The following ZNF469 variants were observed in gnomAD, a reference collection of about 807,000 sequenced individuals.
ZNF469 encodes zinc finger protein 469.
A neutral mutation model predicts 1.0 loss-of-function variants in ZNF469; 1 was observed. The ratio of observed to expected loss-of-function variants is 1.00; its 90% confidence interval spans 0.35 to 4.73. ZNF469 has a LOEUF of 4.73. Ranked by LOEUF, ZNF469 falls within the 30% of genes most tolerant of loss-of-function variation. The pLI is 0.16. For missense variants in ZNF469, 6,100 were observed against 5,356.3 expected (o/e 1.14, Z -4.33); for synonymous variants, 2,703 against 2,363.4 (o/e 1.14, Z -4.17).
rs1027831399 is a variant in ZNF469, at chr16:88,433,914, G to T, written c.6444G>T (p.Gly2148=). 1 of 1,549,174 alleles carries T rather than the reference G, an allele frequency of 6.5e-7. No homozygotes were observed. Among genetic ancestry groups the T allele is most frequent in the African/African-American group, 1.4e-5 (1 of 73,048 alleles). The change falls in exon 3 of 3, where the codon GGG becomes GGT. Residue 2148 remains glycine (G), a synonymous_variant. Coordinates refer to ENST00000565624, the MANE Select transcript of ZNF469 (RefSeq NM_001367624.2). ...SPSRAQGGLG[G]QLPASPSCRD... Reference sequence around the variant, plus strand: ...CCAGGGCCCAAGGTGGGCTGGGGGGGCAGCTGCCAGCATCTCCGTCCTGCA... The same window carrying T: ...CCAGGGCCCAAGGTGGGCTGGGGGGTCAGCTGCCAGCATCTCCGTCCTGCA...
At chr16:88,378,251 G>A (rs536219575), upstream of ZNF469, among the ~76,000 whole-genome samples, 4 of 152,312 alleles carry the variant, frequency 2.6e-5, no homozygotes, top group South Asian at 8.3e-4. Flanking sequence ...AGGGAGCAGG[G>A]GGCACCGGGG....
chr16:88,235,720 A>C, the ZNF469 span, among the ~76,000 whole-genome samples: 59,461 of 151,118 alleles, frequency 0.39, 12,832 homozygotes, highest in Middle Eastern at 0.55. Flanking sequence ...TGCTGAAAAA[A>C]ACATCTAACT....
the ZNF469 span, among the ~76,000 whole-genome samples, chr16:88,334,876 G>T: frequency 1.3e-5 from 2 of 151,868 alleles, no homozygotes; most frequent in South Asian, 4.2e-4. Context: ...GAGCCGTGAA[G>T]GAAGATGCCG....
chr16:88,238,087 A>C, the ZNF469 span, among the ~76,000 whole-genome samples: 2 of 152,170 alleles, frequency 1.3e-5, no homozygotes, highest in Non-Finnish European at 2.9e-5. Context: ...GGTTTCTCCT[A>C]AGTTTCTGGA....
intron 1 of ZNF469, among the ~76,000 whole-genome samples, chr16:88,387,232 T>C (rs1185608236): frequency 6.6e-6 from 1 of 152,188 alleles, no homozygotes; most frequent in Non-Finnish European, 1.5e-5. Flanking sequence ...GAAGCTGCCC[T>C]CAGTGGCCGG....
At chr16:88,180,155 A>G in the ZNF469 span, among the ~76,000 whole-genome samples, 1 of 152,342 alleles carries the variant, frequency 6.6e-6, no homozygotes, top group African/African-American at 2.4e-5. Context: ...AATAGAAGGA[A>G]GAAAAACGGA....
At chr16:88,249,076 C>T in the ZNF469 span, among the ~76,000 whole-genome samples, 3 of 152,138 alleles carry the variant, frequency 2.0e-5, no homozygotes, top group Non-Finnish European at 4.4e-5. Flanking sequence ...TTTAACCCCA[C>T]ATCCATTGCT....
the ZNF469 span, among the ~76,000 whole-genome samples, chr16:88,117,664 C>A: frequency 6.6e-6 from 1 of 150,506 alleles, no homozygotes; most frequent in Admixed American, 6.6e-5. Context: ...CTTCACAAAC[C>A]GTGGAGGTGC....
chr16:88,348,994 C>T, the ZNF469 span, among the ~76,000 whole-genome samples: 3 of 152,336 alleles, frequency 2.0e-5, no homozygotes, highest in Middle Eastern at 3.4e-3. Context: ...TACGAGTCCT[C>T]GGCCCCTGCC....
intron 1 of ZNF469, among the ~76,000 whole-genome samples, chr16:88,416,343 T>C (rs1039591821): frequency 6.6e-6 from 1 of 152,164 alleles, no homozygotes; most frequent in Non-Finnish European, 1.5e-5. Context: ...CGAAGTTCAC[T>C]TACGCTATTG....
upstream of ZNF469, among the ~76,000 whole-genome samples, chr16:88,380,772 A>G (rs2092520439): frequency 6.7e-6 from 1 of 149,124 alleles, no homozygotes; most frequent in Non-Finnish European, 1.5e-5. Context: ...ACGTCCTCAC[A>G]CACATGCACT....
chr16:88,281,341 T>C, the ZNF469 span, among the ~76,000 whole-genome samples: 1 of 150,894 alleles, frequency 6.6e-6, no homozygotes, highest in African/African-American at 2.4e-5. Context: ...GTGCACAGGT[T>C]AGTGCTGTGC....
the ZNF469 span, among the ~76,000 whole-genome samples, chr16:88,360,942 A>G: frequency 6.6e-6 from 1 of 152,244 alleles, no homozygotes; most frequent in Admixed American, 6.5e-5. Context: ...TTTTGGGATG[A>G]TTCAAGCACA....
the ZNF469 span, among the ~76,000 whole-genome samples, chr16:88,348,448 C>G: frequency 6.6e-6 from 1 of 152,200 alleles, no homozygotes; most frequent in Non-Finnish European, 1.5e-5. Context: ...GCCACACCAA[C>G]AGGTCCCCAG....
the ZNF469 span, among the ~76,000 whole-genome samples, chr16:88,340,267 G>A: frequency 3.7e-4 from 57 of 152,302 alleles, no homozygotes; most frequent in African/African-American, 1.2e-3. Context: ...CTCATAGGTG[G>A]GAGTGAGCCA....
the ZNF469 span, among the ~76,000 whole-genome samples, chr16:88,366,480 G>C: frequency 0.82 from 120,968 of 146,934 alleles, 49,196 homozygotes; most frequent in African/African-American, 0.88. Flanking sequence ...TCATCACCAT[G>C]ATCATCATCA....
the ZNF469 span, among the ~76,000 whole-genome samples, chr16:88,151,553 G>A: frequency 1.4e-4 from 22 of 152,324 alleles, no homozygotes; most frequent in South Asian, 1.2e-3. The surrounding 1 kb of genome is among the most constrained non-coding windows in gnomAD (Gnocchi z 5.4). Context: ...CCAGGGTGGC[G>A]TCTGCTGCAG....
chr16:88,292,581 C>A, the ZNF469 span, among the ~76,000 whole-genome samples: 3 of 151,932 alleles, frequency 2.0e-5, no homozygotes, highest in Non-Finnish European at 4.4e-5. Context: ...AAGCCTCGTA[C>A]AGCTAAGTCG....
chr16:88,275,984 G>A, the ZNF469 span, among the ~76,000 whole-genome samples: 2 of 152,280 alleles, frequency 1.3e-5, no homozygotes, highest in Admixed American at 6.5e-5. Context: ...CTGGGAGGCC[G>A]TGGCAGCGAC....
Sources: gnomAD v4.1 joint callset for allele counts (sites outside exome capture counted in the v4.1 genomes callset) on GRCh38, gnomAD v4.1.1 for gene constraint, Gnocchi (gnomAD v3.1) non-coding constraint, MANE v1.5 for transcripts, NCBI Gene and HGNC (gene_info 2026-07-23, HGNC 2026-07-21) for gene names.